The following PDZD2 variants were observed in gnomAD, a reference collection of about 807,000 sequenced individuals.
The protein encoded by PDZD2 is PDZ domain-containing protein 2.
A neutral mutation model predicts 220.7 loss-of-function variants in PDZD2; 90 were observed. The observed-to-expected ratio is 0.41, with a 90% CI of 0.34 to 0.49. The LOEUF (loss-of-function observed/expected upper bound fraction) is 0.49, where lower values mean the gene tolerates loss of function less well. Among genes scored for constraint, PDZD2 ranks in the 20% least tolerant of loss-of-function variants. The probability of loss-of-function intolerance (pLI) is 0.28; values close to 1 mark genes in which losing one functional copy is unlikely to be tolerated. For missense variants in PDZD2, 3,174 were observed against 3,608.5 expected (o/e 0.88, Z 3.08); for synonymous variants, 1,375 against 1,450.5 (o/e 0.95, Z 1.18).
chr5:31,684,345 T>TC (rs1166132140), intron 1 of PDZD2, among the ~76,000 whole-genome samples: 2 of 151,972 alleles, frequency 1.3e-5, no homozygotes, highest in East Asian at 3.9e-4. Flanking sequence ...GCAATGGGAG[T>TC]CATCCTGGAT....
chr5:32,084,253 C>G (rs1742238168), intron 19 of PDZD2, among the ~76,000 whole-genome samples: 1 of 152,190 alleles, frequency 6.6e-6, no homozygotes, highest in African/African-American at 2.4e-5. Context: ...GCCAAGGGCT[C>G]TCCACACAGA....
chr5:31,665,202 C>G (rs923974636), intron 1 of PDZD2: 4 of 148,314 alleles, frequency 2.7e-5, no homozygotes, highest in Non-Finnish European at 5.9e-5. Context: ...CCCCTCTTCT[C>G]CTCCTGAGCT....
At position 32,039,175 on chromosome 5, in the gene PDZD2, G is replaced by A. The variant is rs535523147; in HGVS notation, c.1519+1833G>A. On this transcript the variant is annotated intron_variant, in intron 7 of 24. Coordinates refer to ENST00000438447, the MANE Select transcript of PDZD2 (RefSeq NM_178140.4). ...GCCTGGACTGTACTGCCATGATCTC[G>A]GCTCGCTGCAACCTCCCTGCCTCAG... Among the ~76,000 whole-genome samples the A allele has an allele frequency of 1.0e-4, 15 of 149,736 alleles. 1 individual carries two copies. The East Asian group carries it at 2.0e-3, about 20-fold the overall frequency.
At chr5:31,949,344 A>T (rs1324242663) in intron 2 of PDZD2, among the ~76,000 whole-genome samples, 2 of 152,102 alleles carry the variant, frequency 1.3e-5, no homozygotes, top group African/African-American at 2.4e-5. Context: ...CCCCAAATTC[A>T]TGCACTTCTA....
At chr5:31,692,269 G>T (rs1006936302) in intron 1 of PDZD2, among the ~76,000 whole-genome samples, 1 of 152,192 alleles carries the variant, frequency 6.6e-6, no homozygotes, top group Admixed American at 6.5e-5. Context: ...TGCGGGGTCC[G>T]CGGAGCCTAC....
intron 14 of PDZD2, among the ~76,000 whole-genome samples, chr5:32,061,798 A>C (rs897346891): frequency 6.6e-6 from 1 of 152,252 alleles, no homozygotes; most frequent in South Asian, 2.1e-4. Flanking sequence ...CAAGATAAGT[A>C]TAAAAATAAA....
intron 2 of PDZD2, chr5:31,822,628 C>G: frequency 7.6e-7 from 1 of 1,318,406 alleles, no homozygotes; most frequent in South Asian, 1.2e-5. Flanking sequence ...TCCTGATATC[C>G]TTGTTTTTAA....
chr5:31,698,903 G>T (rs369885890), intron 1 of PDZD2, among the ~76,000 whole-genome samples: 27 of 152,256 alleles, frequency 1.8e-4, no homozygotes, highest in African/African-American at 6.3e-4. Flanking sequence ...GTGGTTTGTG[G>T]CAGGGCTGGA....
At chr5:31,976,354 A>G (rs958014478) in intron 2 of PDZD2, among the ~76,000 whole-genome samples, 2 of 152,190 alleles carry the variant, frequency 1.3e-5, no homozygotes, top group Non-Finnish European at 1.5e-5. Context: ...AAAAGACCAC[A>G]AACAGCTTTG....
chr5:31,846,173 G>A (rs534661244), intron 2 of PDZD2, among the ~76,000 whole-genome samples: 32 of 152,288 alleles, frequency 2.1e-4, no homozygotes, highest in African/African-American at 7.5e-4. Context: ...TCACTCTGTT[G>A]CCCAGGCTTG....
chr5:32,008,442 T>G (rs1753027583), intron 5 of PDZD2, among the ~76,000 whole-genome samples: 1 of 152,010 alleles, frequency 6.6e-6, no homozygotes, highest in Non-Finnish European at 1.5e-5. Flanking sequence ...CCACCACACC[T>G]GGCTAATTTT....
intron 2 of PDZD2, among the ~76,000 whole-genome samples, chr5:31,929,092 T>C (rs897377568): frequency 1.8e-4 from 27 of 152,294 alleles, no homozygotes; most frequent in African/African-American, 6.5e-4. Flanking sequence ...GGGAGCCTCG[T>C]AGAAGCTGTG....
At chr5:31,932,420 G>A (rs1460772928) in intron 2 of PDZD2, among the ~76,000 whole-genome samples, 2 of 152,052 alleles carry the variant, frequency 1.3e-5, no homozygotes, top group South Asian at 2.1e-4. Context: ...GTGGTGGCGT[G>A]TGCCTGTAAT....
intron 2 of PDZD2, among the ~76,000 whole-genome samples, chr5:31,982,900 C>A (rs1235287725): frequency 6.6e-6 from 1 of 152,140 alleles, no homozygotes; most frequent in Non-Finnish European, 1.5e-5. Context: ...AACTCCTGAT[C>A]CTACGGTACT....
At chr5:31,684,993 A>G (rs916015730) in intron 1 of PDZD2, among the ~76,000 whole-genome samples, 2 of 152,222 alleles carry the variant, frequency 1.3e-5, no homozygotes, top group Non-Finnish European at 2.9e-5. Flanking sequence ...GGTGCCAATT[A>G]TTCAACATGT....
chr5:32,105,587 C>CTA (rs1744681260), intron 24 of PDZD2, among the ~76,000 whole-genome samples: 1 of 152,112 alleles, frequency 6.6e-6, no homozygotes, highest in African/African-American at 2.4e-5. Flanking sequence ...ACACCTCTCT[C>CTA]TATATACTAA....
rs575462023 is a variant in PDZD2 at position 31,813,429 on chromosome 5, G to C, written c.476+13705G>C. On this transcript the variant is annotated intron_variant, in intron 2 of 24. Transcript: ENST00000438447. ...TGCACCACTGTACTCCAGCCTGGGC[G>C]ACAGAGCGAGACTCCGTCTCAAAAA... Among the ~76,000 whole-genome samples, 33 of 122,744 alleles carry C rather than the reference G, an allele frequency of 2.7e-4. 1 individual carries two copies. The South Asian group carries it at 8.9e-3, about 33-fold the overall frequency. 80.5% of individuals were successfully genotyped at this position (122,744 alleles called of 152,430 possible). A position where few individuals can be genotyped will look rare whatever the true frequency, so the allele number is the denominator to read the frequency against.
At chr5:31,996,244 A>G (rs985107177) in intron 4 of PDZD2, among the ~76,000 whole-genome samples, 1 of 152,072 alleles carries the variant, frequency 6.6e-6, no homozygotes, top group Non-Finnish European at 1.5e-5. Context: ...GTAAATGTGA[A>G]TTTTTCTCCT....
intron 1 of PDZD2, among the ~76,000 whole-genome samples, chr5:31,707,479 C>T (rs1351807441): frequency 6.6e-6 from 1 of 152,138 alleles, no homozygotes; most frequent in East Asian, 1.9e-4. Context: ...GCCCTGGCAG[C>T]ACCTTTATCT....
Sources: gnomAD v4.1 joint callset for allele counts (sites outside exome capture counted in the v4.1 genomes callset) on GRCh38, gnomAD v4.1.1 for gene constraint, MANE v1.5 for transcripts, NCBI Gene and HGNC (gene_info 2026-07-23, HGNC 2026-07-21) for gene names.